PTPRD: variants seen among roughly 807,000 people sequenced by gnomAD.
The protein encoded by PTPRD is protein tyrosine phosphatase receptor type D.
Under a neutral mutation model 214.5 loss-of-function variants are expected in PTPRD, and 34 were observed. The ratio of observed to expected loss-of-function variants is 0.16; its 90% CI spans 0.12 to 0.21. The LOEUF (loss-of-function observed/expected upper bound fraction) is 0.21, where lower values mean the gene tolerates loss of function less well. Among genes scored for constraint, PTPRD ranks in the 10% least tolerant of loss-of-function variants. The pLI is 1.00. For synonymous variants in PTPRD, 1,128 were observed against 845.7 expected, an observed-to-expected ratio of 1.33 and a Z score of -5.79; for missense variants, 2,545 against 2,398.7, an observed-to-expected ratio of 1.06 and a Z score of -1.27.
Position 9,798,191 on chromosome 9 carries a change from G to T in PTPRD, c.-367-31340C>A, listed in dbSNP as rs114239429. On this transcript the variant is annotated intron_variant, in intron 5 of 45. Transcript: ENST00000381196. ...CTATGTTATTTTCTTCGATAACATT[G>T]TAGGGGAGGAAACCTTTATTCATTC... Among the ~76,000 whole-genome samples, 1,040 of 152,184 alleles carry T rather than the reference G, an allele frequency of 6.8e-3. 12 individuals are homozygous for T. The highest frequency in any genetic ancestry group is 0.024 in the African/African-American group (988 of 41,532).
chr9:8,540,467 T>G (rs1293099355), intron 14 of PTPRD, among the ~76,000 whole-genome samples: 1 of 152,114 alleles, frequency 6.6e-6, no homozygotes, highest in Non-Finnish European at 1.5e-5. Context: ...GAGTGATAAC[T>G]CAAGAGCAAG....
At chr9:10,571,260 T>C (rs1006601012) in intron 2 of PTPRD, among the ~76,000 whole-genome samples, 1 of 152,152 alleles carries the variant, frequency 6.6e-6, no homozygotes, top group Non-Finnish European at 1.5e-5. Flanking sequence ...AAAATTAATT[T>C]AGAAAAATTT....
intron 11 of PTPRD, among the ~76,000 whole-genome samples, chr9:8,743,488 T>G (rs757824039): frequency 6.6e-6 from 1 of 152,122 alleles, no homozygotes; most frequent in Non-Finnish European, 1.5e-5. Context: ...CTCATATCAC[T>G]GCTAGCAATA....
At chr9:9,377,743 G>C (rs989979654) in intron 9 of PTPRD, among the ~76,000 whole-genome samples, 1 of 152,186 alleles carries the variant, frequency 6.6e-6, no homozygotes, top group East Asian at 1.9e-4. Flanking sequence ...AAACAAGGTG[G>C]GTGGTGGGGG....
chr9:9,184,328 G>A (rs1039088171), intron 9 of PTPRD, among the ~76,000 whole-genome samples: 2 of 152,002 alleles, frequency 1.3e-5, no homozygotes, highest in Non-Finnish European at 2.9e-5. Flanking sequence ...GTAGTTAGAT[G>A]TGACTACATT....
chr9:8,338,683 T>C (rs1007041890), intron 43 of PTPRD, among the ~76,000 whole-genome samples: 2 of 151,982 alleles, frequency 1.3e-5, no homozygotes, highest in Non-Finnish European at 2.9e-5. Context: ...ATCCCCAAGG[T>C]TGAGCTGCCA....
At chr9:9,947,464 C>T (rs1286094510) in intron 4 of PTPRD, among the ~76,000 whole-genome samples, 21 of 18,814 alleles carry the variant, frequency 1.1e-3, no homozygotes, top group African/African-American at 2.4e-3. Flanking sequence ...TTTATATATA[C>T]TATATATTAT....
intron 3 of PTPRD, among the ~76,000 whole-genome samples, chr9:10,202,078 C>A (rs2099428418): frequency 6.6e-6 from 1 of 152,094 alleles, no homozygotes; most frequent in Non-Finnish European, 1.5e-5. Flanking sequence ...CAAATAGAGG[C>A]TGTTTAGGCT....
chr9:10,175,138 C>T (rs2099239221), intron 3 of PTPRD, among the ~76,000 whole-genome samples: 1 of 152,012 alleles, frequency 6.6e-6, no homozygotes, highest in African/African-American at 2.4e-5. Flanking sequence ...ATGGAAGAAG[C>T]TGGATCAATC....
At chr9:10,152,698 G>A (rs540393252) in intron 3 of PTPRD, among the ~76,000 whole-genome samples, 8 of 152,244 alleles carry the variant, frequency 5.3e-5, no homozygotes, top group Admixed American at 2.0e-4. Context: ...GGTGGCACAC[G>A]CCTGTAATCC....
chr9:8,937,536 G>A lies in PTPRD; in HGVS notation c.-104+81161C>T, dbSNP rs149291984. 5.2e-3 allele frequency among the ~76,000 whole-genome samples: 791 copies of A among 152,158 alleles called. 1 individual carries two copies. The highest frequency in any genetic ancestry group is 0.02 in the Middle Eastern group (6 of 294). On this transcript the variant is annotated intron_variant, in intron 11 of 45. Coordinates refer to ENST00000381196, the MANE Select transcript of PTPRD (RefSeq NM_002839.4). Reference sequence around the variant, plus strand: ...CTCCATTCTCTCCTCTGTGCACCCCGCAGTCTAGCATTTTAGCAATCTTAG... The same window carrying A: ...CTCCATTCTCTCCTCTGTGCACCCCACAGTCTAGCATTTTAGCAATCTTAG...
rs186506042 is a variant in PTPRD, at chr9:10,566,252, T to A, written c.-600+46146A>T. ...GTATATATTCATATATGTATATTTT[T>A]TGGTGTCTATTTAAAAGTTTTTAAA... is the stretch of plus-strand genomic sequence containing the variant. On this transcript the variant is annotated intron_variant, in intron 2 of 45. Transcript: ENST00000381196. Among the ~76,000 whole-genome samples the A allele has an allele frequency of 1.7e-3, 262 of 152,142 alleles. 1 individual carries two copies. The highest frequency in any genetic ancestry group is 5.7e-3 in the African/African-American group (236 of 41,550).
chr9:8,490,839 A>C (rs1420378648), intron 27 of PTPRD, among the ~76,000 whole-genome samples: 1 of 152,346 alleles, frequency 6.6e-6, no homozygotes, highest in African/African-American at 2.4e-5. Context: ...TCCCACAATC[A>C]GGAAGTTTAC....
chr9:10,523,200 G>T (rs1456647465), intron 2 of PTPRD, among the ~76,000 whole-genome samples: 1 of 152,014 alleles, frequency 6.6e-6, no homozygotes, highest in African/African-American at 2.4e-5. Context: ...ATATCGTGAT[G>T]TTTTAATTTA....
intron 10 of PTPRD, among the ~76,000 whole-genome samples, chr9:9,147,700 C>T (rs2099871030): frequency 2.0e-5 from 3 of 151,942 alleles, no homozygotes; most frequent in South Asian, 4.2e-4. Context: ...ACCATATGTC[C>T]CACAAAGTCT....
chr9:8,670,135 T>C (rs1338825434), intron 12 of PTPRD, among the ~76,000 whole-genome samples: 1 of 152,082 alleles, frequency 6.6e-6, no homozygotes, highest in Non-Finnish European at 1.5e-5. Context: ...CTCTAACCCC[T>C]TGACTTGGGC....
intron 4 of PTPRD, among the ~76,000 whole-genome samples, chr9:9,965,672 TGTGAGTTGAAACATCGGCTTTTA>T (rs2094636742): frequency 6.6e-6 from 1 of 152,228 alleles, no homozygotes; most frequent in Admixed American, 6.5e-5. Context: ...GCCACACAGA[TGTGAGTTGAAACATCGGCTTTTA>T]AATTTTGGCT....
chr9:9,739,294 T>C (rs2098358743), intron 6 of PTPRD, among the ~76,000 whole-genome samples: 1 of 152,222 alleles, frequency 6.6e-6, no homozygotes, highest in South Asian at 2.1e-4. Context: ...GTGATATTAG[T>C]TGTAAGCGTT....
chr9:10,399,992 G>T (rs1377374223), intron 2 of PTPRD, among the ~76,000 whole-genome samples: 1 of 151,916 alleles, frequency 6.6e-6, no homozygotes, highest in African/African-American at 2.4e-5. Context: ...AGTAACATCA[G>T]ATTTTTATTT....
Sources: allele counts gnomAD v4.1 joint callset (sites outside exome capture counted in the v4.1 genomes callset), GRCh38; gene constraint gnomAD v4.1.1; transcripts MANE v1.5; gene names NCBI Gene and HGNC (gene_info 2026-07-23, HGNC 2026-07-21).